The following CALCRL variants were observed in gnomAD, a reference collection of about 807,000 sequenced individuals.
CALCRL encodes the protein calcitonin gene-related peptide type 1 receptor.
CALCRL carries 27 observed loss-of-function variants against 60.4 expected under a neutral mutation model. The observed-to-expected ratio is 0.45, with a 90% CI of 0.33 to 0.62. CALCRL has a LOEUF of 0.62. Among genes scored for constraint, CALCRL ranks in the 20% least tolerant of loss-of-function variants. CALCRL has a pLI of 0.03. For missense variants in CALCRL, 424 were observed against 540.7 expected (o/e 0.78, Z 2.14); for synonymous variants, 190 against 182.6 (o/e 1.04, Z -0.33).
chr2:187,434,980 TAGGATAA>T (rs1690569770), intron 1 of CALCRL, among the ~76,000 whole-genome samples: 1 of 152,132 alleles, frequency 6.6e-6, no homozygotes, highest in Non-Finnish European at 1.5e-5. Flanking sequence ...AGTACAAGCT[TAGGATAA>T]AGGTTTACTT....
rs1455375242 is a variant in CALCRL at position 187,343,939 on chromosome 2, T to A, written c.*2245A>T. On this transcript the variant is annotated 3_prime_UTR_variant, in exon 15 of 15. Coordinates refer to ENST00000392370, the MANE Select transcript of CALCRL (RefSeq NM_005795.6). ...TAAAATAAATCTGATCTAGAATTAA[T>A]ATTATAAAAGCACAACAAAAATACT... is the stretch of plus-strand genomic sequence containing the variant. The A allele has an allele frequency of 6.6e-6, 1 of 151,632 alleles. No homozygotes were observed. The highest frequency in any genetic ancestry group is 1.5e-5 in the Non-Finnish European group (1 of 67,630). 9.4% of individuals were successfully genotyped at this position (151,632 alleles called of 1,614,324 possible). A position where few individuals can be genotyped will look rare whatever the true frequency, so the allele number is the denominator to read the frequency against.
chr2:187,364,471 T>C (rs945941660), intron 8 of CALCRL, among the ~76,000 whole-genome samples: 1 of 149,206 alleles, frequency 6.7e-6, no homozygotes, highest in African/African-American at 2.5e-5. Flanking sequence ...TGTGTGTGTG[T>C]TTTTTTTTTA....
intron 1 of CALCRL, among the ~76,000 whole-genome samples, chr2:187,427,574 A>G (rs905523884): frequency 6.6e-6 from 1 of 152,178 alleles, no homozygotes; most frequent in African/African-American, 2.4e-5. Context: ...TTTACCTACC[A>G]TATTAAATAA....
chr2:187,348,305 T>C (rs1686370800), intron 14 of CALCRL, among the ~76,000 whole-genome samples: 1 of 151,720 alleles, frequency 6.6e-6, no homozygotes, highest in African/African-American at 2.4e-5. Context: ...ATTATCTAGA[T>C]ACATCTGATG....
rs1008906174 is a variant in CALCRL at position 187,396,867 on chromosome 2, A to T, written c.-292-9111T>A. On this transcript the variant is annotated intron_variant, in intron 1 of 14. Transcript: ENST00000392370. ...TTCCAAAGAGATACTGAAATTTTTA[A>T]AGTAGTATCCAACTGATATTTAATA... Among the ~76,000 whole-genome samples the T allele has an allele frequency of 2.6e-5, 4 of 151,712 alleles. No individual in the cohort carries two copies. The Admixed American group carries it at 2.6e-4, about 10-fold the overall frequency.
At chr2:187,420,934 G>A (rs900179846) in intron 1 of CALCRL, among the ~76,000 whole-genome samples, 2 of 152,114 alleles carry the variant, frequency 1.3e-5, no homozygotes, top group African/African-American at 4.8e-5. Flanking sequence ...ACACACTAAA[G>A]GGTATCTGTG....
chr2:187,350,410 T>C lies in CALCRL; in HGVS notation c.1170+1510A>G, dbSNP rs568167519. ...ATTTTACTATCAAACAAATGATTTA[T>C]CTATTTTTTGTAACTGCATTCTGTC... On this transcript the variant is annotated intron_variant, in intron 14 of 14. Coordinates refer to ENST00000392370, the MANE Select transcript of CALCRL (RefSeq NM_005795.6). 1.9e-3 allele frequency among the ~76,000 whole-genome samples: 292 copies of C among 150,790 alleles called. 1 individual carries two copies. The highest frequency in any genetic ancestry group is 6.7e-3 in the African/African-American group (278 of 41,308).
chr2:187,363,643 A>G (rs1380425448), intron 8 of CALCRL, 141 bp from the exon 9 acceptor site: 6 of 867,344 alleles, frequency 6.9e-6, no homozygotes, highest in African/African-American at 3.5e-5. Flanking sequence ...TCCACTCATT[A>G]CAAAAATCTT....
At chr2:187,414,721 A>G (rs2048486) in intron 1 of CALCRL, among the ~76,000 whole-genome samples, 152,038 of 152,158 alleles carry the variant, frequency 1, 75,959 homozygotes, top group Middle Eastern at 1. Context: ...ATTGAAGACA[A>G]ATTTTCCTAG....
chr2:187,378,627 A>T (rs1056325917), intron 8 of CALCRL, among the ~76,000 whole-genome samples: 1 of 152,166 alleles, frequency 6.6e-6, no homozygotes, highest in African/African-American at 2.4e-5. Flanking sequence ...CTAAACACAC[A>T]ATTAAGAAGG....
At chr2:187,413,254 G>A (rs1689444793) in intron 1 of CALCRL, among the ~76,000 whole-genome samples, 1 of 151,712 alleles carries the variant, frequency 6.6e-6, no homozygotes. Flanking sequence ...CAAAAGACAG[G>A]GAAAAAAAGA....
intron 1 of CALCRL, among the ~76,000 whole-genome samples, chr2:187,393,269 A>C (rs191785397): frequency 1.5e-3 from 225 of 152,266 alleles, no homozygotes; most frequent in Middle Eastern, 6.8e-3. Flanking sequence ...CTGCATGTTT[A>C]GTAAGCACCC....
intron 1 of CALCRL, among the ~76,000 whole-genome samples, chr2:187,418,070 G>A (rs1353359689): frequency 2.0e-5 from 3 of 152,134 alleles, no homozygotes; most frequent in Non-Finnish European, 2.9e-5. Flanking sequence ...GAGGTTAAAT[G>A]TAAAAAGCTT....
At chr2:187,445,443 G>C (rs1227574942) in intron 1 of CALCRL, among the ~76,000 whole-genome samples, 2 of 151,552 alleles carry the variant, frequency 1.3e-5, no homozygotes, top group Non-Finnish European at 3.0e-5. Context: ...TTTGTTTAGT[G>C]AATAAGTTTT....
In CALCRL at chr2:187,363,434, A is replaced by G; in HGVS notation, c.569T>C (p.Val190Ala). ...CACTGCAGTGAGGTGAATGATTGTT[A>G]CAACAGAGTTACAAACAAATGAGAA... The part of the protein sequence containing the change: ...LFFSFVCNSV[V>A]TIIHLTAVAN... The change falls in exon 9 of 15, where the codon GTA (valine) becomes GCA (alanine). Residue 190 changes from valine to alanine, a missense_variant. This residue lies in a region of CALCRL where 43 missense variants were observed against 40.9 expected (regional missense o/e 1.05). Coordinates refer to ENST00000392370, the MANE Select transcript of CALCRL (RefSeq NM_005795.6). 6.2e-7 allele frequency: 1 copy of G among 1,612,586 alleles called. No individual in the cohort carries two copies. The highest frequency in any genetic ancestry group is 8.5e-7 in the Non-Finnish European group (1 of 1,179,186).
chr2:187,403,043 C>A (rs1437824636), intron 1 of CALCRL, among the ~76,000 whole-genome samples: 1 of 151,590 alleles, frequency 6.6e-6, no homozygotes, highest in Admixed American at 6.6e-5. Flanking sequence ...GAAGAGGGCC[C>A]TCACCAAGAA....
At chr2:187,368,448 A>G (rs1342866185) in intron 8 of CALCRL, among the ~76,000 whole-genome samples, 1 of 152,092 alleles carries the variant, frequency 6.6e-6, no homozygotes, top group African/African-American at 2.4e-5. Flanking sequence ...GAATTTCCAT[A>G]TGATGAAGGG....
rs147271782 is a variant in CALCRL at position 187,357,543 on chromosome 2, C to T, written c.909+1520G>A. 8.9e-3 allele frequency among the ~76,000 whole-genome samples: 1,344 copies of T among 150,534 alleles called. 20 individuals carry two copies. Among genetic ancestry groups the T allele is most frequent in the African/African-American group, 0.031 (1,267 of 40,946 alleles). On this transcript the variant is annotated intron_variant, in intron 12 of 14. Transcript: ENST00000392370. The stretch of plus-strand genomic sequence containing the variant: ...GGGAGGGATAGCATTAGGAGAAATA[C>T]ATAATGCATGTGGCGCTTAAAACCC...
At chr2:187,396,398 A>G (rs1279666446) in intron 1 of CALCRL, among the ~76,000 whole-genome samples, 1 of 151,736 alleles carries the variant, frequency 6.6e-6, no homozygotes, top group Admixed American at 6.6e-5. Flanking sequence ...ATGTACCCTA[A>G]GCTAAACTTA....
Sources: gnomAD v4.1 joint callset for allele counts (sites outside exome capture counted in the v4.1 genomes callset) on GRCh38, gnomAD v4.1.1 for gene constraint, gnomAD v4.1.1 regional missense constraint, MANE v1.5 for transcripts, NCBI Gene and HGNC (gene_info 2026-07-23, HGNC 2026-07-21) for gene names.